Variants in ACAN observed in about 807,000 individuals in gnomAD.
The protein encoded by ACAN is aggrecan.
In ACAN, 47 loss-of-function variants were observed where a neutral mutation model predicts 169.1. That is an observed-to-expected ratio of 0.28 (90% CI 0.22 to 0.35). The LOEUF (loss-of-function observed/expected upper bound fraction) is 0.35, where lower values mean the gene tolerates loss of function less well. ACAN is among the 10% of genes least tolerant of loss of function. ACAN has a pLI of 1.00. For synonymous variants in ACAN, 1,115 were observed against 1,112.2 expected (o/e 1.00, Z -0.05); for missense variants, 2,716 against 2,759.9 (o/e 0.98, Z 0.36).
chr15:88,844,047 C>T (rs145840413), intron 6 of ACAN, among the ~76,000 whole-genome samples: 1 of 152,154 alleles, frequency 6.6e-6, no homozygotes, highest in Non-Finnish European at 1.5e-5. Context: ...TGACATGTGA[C>T]CCTGGCACCC....
rs147199429 is a variant in ACAN, at chr15:88,846,560, G to T, written c.1429+678G>T. On this transcript the variant is annotated intron_variant, in intron 7 of 18. Coordinates refer to ENST00000560601, the MANE Select transcript of ACAN (RefSeq NM_001369268.1). Reference sequence around the variant, plus strand: ...ATCACAGCGAGGTTGAATACAGTCAGTCTTTCATGTCTGGATTCAACCAAC... The same window carrying T: ...ATCACAGCGAGGTTGAATACAGTCATTCTTTCATGTCTGGATTCAACCAAC... Among the ~76,000 whole-genome samples the T allele has an allele frequency of 3.2e-3, 480 of 152,336 alleles. 3 individuals are homozygous for T. The highest frequency in any genetic ancestry group is 0.011 in the African/African-American group (465 of 41,584).
chr15:88,841,685 C>T, intron 4 of ACAN, 55 bp from the exon 5 acceptor site: 1 of 1,608,650 alleles, frequency 6.2e-7, no homozygotes, highest in South Asian at 1.1e-5. Context: ...AGGCAGAGGC[C>T]ATGGGCTTCC....
chr15:88,838,879 T>C lies in ACAN; in HGVS notation c.287T>C (p.Val96Ala). ...GTGGCCACTGAAGGGCGCGTGCGGG[T>C]CAACAGTGCCTATCAGGACAAGGTC... ...LLVATEGRVRVNSAYQDKVSL... is the reference protein window; with the variant it reads ...LLVATEGRVRANSAYQDKVSL... The change falls in exon 3 of 19, where the codon GTC becomes GCC. Residue 96 changes from valine (V) to alanine (A), a missense_variant. This residue lies in a region of ACAN where 1,283 missense variants were observed against 1,281.5 expected (regional missense o/e 1.00). Transcript: ENST00000560601. This position sits in a 1 kb window ranked among gnomAD's most constrained non-coding sequence, Gnocchi z 5.1. The C allele has an allele frequency of 6.2e-7, 1 of 1,613,824 alleles. No homozygotes were observed. The highest frequency in any genetic ancestry group is 8.5e-7 in the Non-Finnish European group (1 of 1,179,848).
intron 2 of ACAN, among the ~76,000 whole-genome samples, chr15:88,837,910 G>GC (rs1896545637): frequency 1.5e-5 from 2 of 132,840 alleles, no homozygotes; most frequent in Non-Finnish European, 3.3e-5. Flanking sequence ...TTGGAAAGCT[G>GC]TTTTTTTTCT....
chr15:88,808,401 C>T (rs1358203273), intron 1 of ACAN, among the ~76,000 whole-genome samples: 1 of 152,312 alleles, frequency 6.6e-6, no homozygotes, highest in East Asian at 1.9e-4. Flanking sequence ...TGCTACATGC[C>T]AGGCACTGTG....
chr15:88,837,725 C>T (rs902917417), intron 2 of ACAN, among the ~76,000 whole-genome samples: 1 of 152,190 alleles, frequency 6.6e-6, no homozygotes, highest in East Asian at 1.9e-4. Context: ...CTGCCCAGGA[C>T]ATCAGAAGGT....
At chr15:88,837,090 C>T (rs944574053) in intron 2 of ACAN, among the ~76,000 whole-genome samples, 1 of 152,222 alleles carries the variant, frequency 6.6e-6, no homozygotes, top group African/African-American at 2.4e-5. Context: ...ACATCCAGGG[C>T]CTGCATGGGT....
chr15:88,831,506 G>A lies in ACAN; in HGVS notation c.-7-4694G>A, dbSNP rs566329828. ...AGGAGATCACTTCTAAGACGTACGG[G>A]CTGCCATTTGTCCATTCATTCATTC... On this transcript the variant is annotated intron_variant, in intron 1 of 18. Coordinates refer to ENST00000560601, the MANE Select transcript of ACAN (RefSeq NM_001369268.1). 1.3e-4 allele frequency among the ~76,000 whole-genome samples: 20 copies of A among 152,328 alleles called. 2 individuals are homozygous for A. In the South Asian group the frequency reaches 3.9e-3, roughly 30 times the overall value.
In ACAN at chr15:88,858,993, C is replaced by T. The variant is rs760076437; in HGVS notation, c.6408C>T (p.Phe2136=). 1 of 1,613,922 alleles carries T rather than the reference C, an allele frequency of 6.2e-7. No individual in the cohort carries two copies. The change falls in exon 12 of 19, where the codon TTC becomes TTT. Residue 2136 remains phenylalanine, a synonymous_variant. Coordinates refer to ENST00000560601, the MANE Select transcript of ACAN (RefSeq NM_001369268.1). The surrounding 1 kb of genome is among the most constrained non-coding windows in gnomAD (Gnocchi z 4.0). ...SPDLSETTSA[F]HEANLERSSG... is the part of the protein sequence containing the mutation. ...ATCTGAGTGAAACCACCTCTGCATT[C>T]CACGAAGCTAACCTTGAGAGATCCT...
intron 1 of ACAN, among the ~76,000 whole-genome samples, chr15:88,805,214 G>C (rs1362763436): frequency 6.6e-6 from 1 of 152,108 alleles, no homozygotes; most frequent in African/African-American, 2.4e-5. Flanking sequence ...GGGCAAGGTG[G>C]GTTTGGAGGC....
chr15:88,862,047 T>C (rs954101931), intron 13 of ACAN, among the ~76,000 whole-genome samples: 1 of 152,148 alleles, frequency 6.6e-6, no homozygotes, highest in African/African-American at 2.4e-5. Flanking sequence ...GAATCAAGAA[T>C]CAAGACCTTA....
chr15:88,844,842 AG>A (rs562740721), intron 6 of ACAN, among the ~76,000 whole-genome samples: 65 of 152,342 alleles, frequency 4.3e-4, no homozygotes, highest in African/African-American at 1.5e-3. Flanking sequence ...ATGAATGAGG[AG>A]TTGCAAAACT....
At chr15:88,819,399 C>T (rs1204716024) in intron 1 of ACAN, among the ~76,000 whole-genome samples, 1 of 152,072 alleles carries the variant, frequency 6.6e-6, no homozygotes, top group African/African-American at 2.4e-5. Flanking sequence ...GTTGAACTCG[C>T]TCCATGTGGA....
intron 9 of ACAN, among the ~76,000 whole-genome samples, chr15:88,848,504 A>T (rs1896851502): frequency 6.6e-6 from 1 of 152,176 alleles, no homozygotes; most frequent in South Asian, 2.1e-4. Context: ...ATGTGAGTTG[A>T]TTGCTCTAGC....
chr15:88,854,511 G>A (rs955735301), intron 11 of ACAN, among the ~76,000 whole-genome samples: 1 of 152,188 alleles, frequency 6.6e-6, no homozygotes, highest in African/African-American at 2.4e-5. Context: ...ACATCCAGTG[G>A]GTTGTGTGGA....
At chr15:88,824,323 A>G (rs1896154929) in intron 1 of ACAN, among the ~76,000 whole-genome samples, 1 of 141,596 alleles carries the variant, frequency 7.1e-6, no homozygotes, top group Non-Finnish European at 1.5e-5. Context: ...CCGTCTCAAA[A>G]AAAAAAACAA....
intron 1 of ACAN, among the ~76,000 whole-genome samples, chr15:88,811,873 A>C (rs1189592323): frequency 1.3e-5 from 2 of 150,756 alleles, no homozygotes; most frequent in African/African-American, 2.4e-5. Flanking sequence ...CATCACCCCC[A>C]CCCCAGACTC....
chr15:88,827,985 C>A, intron 1 of ACAN, among the ~76,000 whole-genome samples: 1 of 152,142 alleles, frequency 6.6e-6, no homozygotes, highest in East Asian at 1.9e-4. Flanking sequence ...CCCACCCATG[C>A]ACACATCCCT....
At chr15:88,865,904 A>G (rs1461461707) in intron 13 of ACAN, among the ~76,000 whole-genome samples, 1 of 152,178 alleles carries the variant, frequency 6.6e-6, no homozygotes, top group Non-Finnish European at 1.5e-5. Context: ...GCTGCTGAAG[A>G]TGCTGACTCA....
Sources: gnomAD v4.1 joint callset for allele counts (sites outside exome capture counted in the v4.1 genomes callset) on GRCh38, gnomAD v4.1.1 for gene constraint, gnomAD v4.1.1 regional missense constraint, Gnocchi (gnomAD v3.1) non-coding constraint, MANE v1.5 for transcripts, NCBI Gene and HGNC (gene_info 2026-07-23, HGNC 2026-07-21) for gene names.